The following XXYLT1 variants were observed in gnomAD, a reference collection of about 807,000 sequenced individuals.
XXYLT1 encodes xyloside xylosyltransferase 1, also known as UDP-xylose:alpha-xyloside alpha-1,3-xylosyltransferase.
Under a neutral mutation model 28.9 loss-of-function variants are expected in XXYLT1, and 20 were observed. That is an observed-to-expected ratio of 0.69 (90% CI 0.49 to 1.00). XXYLT1 has a LOEUF of 1.00. Ranked by LOEUF, XXYLT1 falls within the 50% of genes least tolerant of loss-of-function variation. The pLI, the probability that XXYLT1 is intolerant of heterozygous loss-of-function variation, is 0.00. For missense variants in XXYLT1, 542 were observed against 560.1 expected (o/e 0.97, Z 0.33); for synonymous variants, 257 against 253.8 (o/e 1.01, Z -0.12).
Position 195,256,563 on chromosome 3 carries a change from G to T in XXYLT1, c.504+13992C>A. 4.1e-6 allele frequency: 4 copies of T among 985,330 alleles called. No homozygotes were observed. The highest frequency in any genetic ancestry group is 4.8e-6 in the Non-Finnish European group (4 of 829,906). The allele number at this position is 985,330 out of a possible 1,614,324, so 61.0% of individuals were successfully genotyped here. On this transcript the variant is annotated intron_variant, in intron 1 of 3. Transcript: ENST00000310380. This position sits in a 1 kb window ranked among gnomAD's most constrained non-coding sequence, Gnocchi z 4.2. ...GGGAAGAGCAGCCTCCTCACACCCC[G>T]CAACTTCTCACCCGCACATTCAGGA...
chr3:195,240,818 T>C lies in XXYLT1; in HGVS notation c.505-13962A>G, dbSNP rs763438562. 2.6e-5 allele frequency among the ~76,000 whole-genome samples: 4 copies of C among 152,014 alleles called. No individual in the cohort carries two copies. Among genetic ancestry groups the C allele is most frequent in the Non-Finnish European group, 4.4e-5 (3 of 67,990 alleles). ...TCCACCTCCTGAAGGAACCATAAAC[T>C]GGGGGACTGAGGCAGGAGGATCGCT... On this transcript the variant is annotated intron_variant, in intron 1 of 3. Coordinates refer to ENST00000310380, the MANE Select transcript of XXYLT1 (RefSeq NM_152531.5). This position sits in a 1 kb window ranked among gnomAD's most constrained non-coding sequence, Gnocchi z 4.7.
At chr3:195,175,603 G>T in intron 2 of XXYLT1, 3 of 1,536,062 alleles carry the variant, frequency 2.0e-6, no homozygotes, top group Non-Finnish European at 2.6e-6. Flanking sequence ...AGATGGACAC[G>T]GTAGTAACAG....
chr3:195,242,599 G>C (rs1369164593), intron 1 of XXYLT1, among the ~76,000 whole-genome samples: 1 of 152,172 alleles, frequency 6.6e-6, no homozygotes, highest in Non-Finnish European at 1.5e-5. Context: ...TTGGAACAAG[G>C]AGAAACAAAG....
chr3:195,184,513 C>A (rs1040503093), intron 2 of XXYLT1: 2 of 666,832 alleles, frequency 3.0e-6, no homozygotes, highest in African/African-American at 3.9e-5. Context: ...TTGGCTGACA[C>A]CATACCTCAG....
At chr3:195,111,512 C>T (rs1347427056) in intron 3 of XXYLT1, among the ~76,000 whole-genome samples, 1 of 152,080 alleles carries the variant, frequency 6.6e-6, no homozygotes, top group Non-Finnish European at 1.5e-5. Flanking sequence ...GTGTGTATCT[C>T]TCTGGCTAGG....
chr3:195,150,972 G>T lies in XXYLT1; in HGVS notation c.785+5477C>A, dbSNP rs1720205059. Among the ~76,000 whole-genome samples the T allele has an allele frequency of 6.6e-6, 1 of 151,996 alleles. No individual in the cohort carries two copies. Among genetic ancestry groups the T allele is most frequent in the South Asian group, 2.1e-4 (1 of 4,802 alleles). ...ATGACCAGGCCTCCTGGTCCCAGTG[G>T]CCTCCCCAAATGACCCAGTCCACAG... On this transcript the variant is annotated intron_variant, in intron 3 of 3. Transcript: ENST00000310380. This position sits in a 1 kb window ranked among gnomAD's most constrained non-coding sequence, Gnocchi z 4.7.
intron 2 of XXYLT1, among the ~76,000 whole-genome samples, chr3:195,198,789 G>A (rs1413592841): frequency 6.6e-6 from 1 of 152,166 alleles, no homozygotes; most frequent in African/African-American, 2.4e-5. Context: ...CATGGCACCC[G>A]CAGTTCTTGA....
rs3988214 is a variant in XXYLT1 at position 195,235,891 on chromosome 3, TATAGACATAGACATAGACATAGAC to T, written c.505-9059_505-9036del. 6.1e-3 allele frequency among the ~76,000 whole-genome samples: 883 copies of T among 144,828 alleles called. 11 individuals carry two copies. Among genetic ancestry groups the T allele is most frequent in the African/African-American group, 0.018 (703 of 39,152 alleles). ...CAATCTCTCTATATATCTATAAATATATAGACATAGACATAGACATAGACATAGACATAGACATAGACATAGACA... is the reference window on the plus strand; with the variant it reads ...CAATCTCTCTATATATCTATAAATATATAGACATAGACATAGACATAGACA... On this transcript the variant is annotated intron_variant, in intron 1 of 3. Coordinates refer to ENST00000310380, the MANE Select transcript of XXYLT1 (RefSeq NM_152531.5).
intron 1 of XXYLT1, among the ~76,000 whole-genome samples, chr3:195,266,619 A>G (rs1725857905): frequency 6.6e-6 from 1 of 152,220 alleles, no homozygotes; most frequent in Non-Finnish European, 1.5e-5. Context: ...CAGTTCCTGA[A>G]CGCCCACTGT....
intron 2 of XXYLT1, among the ~76,000 whole-genome samples, chr3:195,165,109 C>G (rs1295949999): frequency 1.3e-5 from 2 of 152,110 alleles, no homozygotes; most frequent in African/African-American, 4.8e-5. Context: ...TTTCGTGTCT[C>G]TAACATGAAG....
At chr3:195,120,921 C>G (rs1718323847) in intron 3 of XXYLT1, among the ~76,000 whole-genome samples, 1 of 152,202 alleles carries the variant, frequency 6.6e-6, no homozygotes, top group Admixed American at 6.5e-5. Context: ...TCCCCCAAAC[C>G]CTCACCTGCA....
intron 2 of XXYLT1, among the ~76,000 whole-genome samples, chr3:195,159,734 C>T (rs1228834180): frequency 6.6e-6 from 1 of 152,186 alleles, no homozygotes; most frequent in African/African-American, 2.4e-5. Flanking sequence ...ATGTCTTCTG[C>T]CTGGGTTTGA....
chr3:195,126,056 C>T (rs557052559), intron 3 of XXYLT1, among the ~76,000 whole-genome samples: 3 of 152,242 alleles, frequency 2.0e-5, no homozygotes, highest in Non-Finnish European at 4.4e-5. Flanking sequence ...CAGTGACCTA[C>T]GCCCAAATCA....
intron 2 of XXYLT1, among the ~76,000 whole-genome samples, chr3:195,225,404 C>T (rs1050060103): frequency 6.6e-6 from 1 of 152,154 alleles, no homozygotes; most frequent in Non-Finnish European, 1.5e-5. Context: ...CAACAGGAAC[C>T]GAGCTTCAAC....
intron 3 of XXYLT1, among the ~76,000 whole-genome samples, chr3:195,110,859 G>GTGTGTGGTGTA (rs1553804052): frequency 1.6e-4 from 16 of 99,270 alleles, no homozygotes; most frequent in South Asian, 5.6e-4. Flanking sequence ...TGTTGTATAA[G>GTGTGTGGTGTA]TGTGTGTGTG....
At chr3:195,084,320 G>T (rs1428261917) in intron 3 of XXYLT1, among the ~76,000 whole-genome samples, 1 of 152,072 alleles carries the variant, frequency 6.6e-6, no homozygotes, top group Non-Finnish European at 1.5e-5. Context: ...GCTGCTCCCT[G>T]CCCCAGGGAT....
intron 1 of XXYLT1, among the ~76,000 whole-genome samples, chr3:195,231,381 G>A (rs557805487): frequency 2.6e-4 from 40 of 152,072 alleles, no homozygotes; most frequent in East Asian, 1.4e-3. Context: ...GCTTTATGTC[G>A]TTCTCTTGTC....
intron 3 of XXYLT1, among the ~76,000 whole-genome samples, chr3:195,127,883 A>G (rs1181335476): frequency 1.3e-5 from 2 of 152,214 alleles, no homozygotes; most frequent in Admixed American, 6.5e-5. Flanking sequence ...AGGGTCTGTG[A>G]AATGATTATA....
At chr3:195,260,558 G>A (rs1725662115) in intron 1 of XXYLT1, among the ~76,000 whole-genome samples, 1 of 152,246 alleles carries the variant, frequency 6.6e-6, no homozygotes, top group South Asian at 2.1e-4. Flanking sequence ...GGCACATCCA[G>A]GAGGAGACAA....
Sources: allele counts gnomAD v4.1 joint callset (sites outside exome capture counted in the v4.1 genomes callset), GRCh38; gene constraint gnomAD v4.1.1; non-coding constraint Gnocchi (gnomAD v3.1); transcripts MANE v1.5; gene names NCBI Gene and HGNC (gene_info 2026-07-23, HGNC 2026-07-21).